The following ATP13A4 variants were observed in gnomAD, a reference collection of about 807,000 sequenced individuals.
The protein encoded by ATP13A4 is ATPase 13A4.
ATP13A4 carries 114 observed loss-of-function variants against 142.5 expected under a neutral mutation model. The observed-to-expected ratio is 0.80, with a 90% CI of 0.69 to 0.93. The LOEUF is 0.93. Ranked by LOEUF, ATP13A4 falls within the 40% of genes least tolerant of loss-of-function variation. The probability of loss-of-function intolerance (pLI) is 0.00; values close to 1 mark genes in which losing one functional copy is unlikely to be tolerated. For synonymous variants in ATP13A4, 488 were observed against 514.8 expected, an observed-to-expected ratio of 0.95 and a Z score of 0.70; for missense variants, 1,392 against 1,454.0, an observed-to-expected ratio of 0.96 and a Z score of 0.69.
chr3:193,567,124 C>G (rs1266162290), intron 2 of ATP13A4, among the ~76,000 whole-genome samples: 2 of 151,968 alleles, frequency 1.3e-5, no homozygotes, highest in African/African-American at 4.8e-5. Context: ...GAATATTATG[C>G]AACCATTAAA....
chr3:193,410,942 T>C (rs1714734382), intron 28 of ATP13A4, 40 bp downstream of exon 28: 1 of 1,265,898 alleles, frequency 7.9e-7, no homozygotes, highest in Non-Finnish European at 1.2e-6. Flanking sequence ...AACTGTTACA[T>C]AACTGTAAAG....
chr3:193,457,430 C>G lies in ATP13A4; in HGVS notation c.1710G>C (p.Lys570Asn). 6.2e-7 allele frequency: 1 copy of G among 1,614,206 alleles called. No individual in the cohort carries two copies. Among genetic ancestry groups the G allele is most frequent in the Non-Finnish European group, 8.5e-7 (1 of 1,180,040 alleles). The change falls in exon 15 of 30, where the codon AAG becomes AAC. Residue 570 changes from lysine to asparagine, a missense_variant. Coordinates refer to ENST00000342695, the MANE Select transcript of ATP13A4 (RefSeq NM_032279.4). ...MAFSGDDFHI[K>N]GVPAHAMVVK... ...CTACCATGGCATGTGCCGGCACTCC[C>G]TTGATGTGGAAATCGTCCCCAGAAA...
At chr3:193,467,200 T>TA (rs952395716) in intron 10 of ATP13A4, 116 bp downstream of exon 10, 8 of 1,111,824 alleles carry the variant, frequency 7.2e-6, no homozygotes, top group East Asian at 2.6e-5. Flanking sequence ...AATTAAAAAT[T>TA]AAAAAAATAT....
Position 193,514,736 on chromosome 3 carries a change from A to T in ATP13A4, c.196T>A (p.Ser66Thr). The stretch of plus-strand genomic sequence containing the variant: ...AACACAGTGTCTGCTTCTTGCAAGG[A>T]ACATGGGACACAATGTGCCCATACG... ...WHVWAHCVPC[S>T]LQEADTVLLR... is the part of the protein sequence containing the mutation. The change falls in exon 2 of 30, where the codon TCC becomes ACC. Residue 66 changes from serine (S) to threonine (T), a missense_variant. Coordinates refer to ENST00000342695, the MANE Select transcript of ATP13A4 (RefSeq NM_032279.4). 6.2e-7 allele frequency: 1 copy of T among 1,614,230 alleles called. No homozygotes were observed. Among genetic ancestry groups the T allele is most frequent in the Non-Finnish European group, 8.5e-7 (1 of 1,180,032 alleles).
chr3:193,431,598 T>C (rs541806267), intron 25 of ATP13A4, among the ~76,000 whole-genome samples: 115 of 148,658 alleles, frequency 7.7e-4, no homozygotes, highest in Non-Finnish European at 1.3e-3. Flanking sequence ...TGTTTCTATA[T>C]ATGCATGTGT....
chr3:193,471,885 G>A (rs1718649469), intron 8 of ATP13A4, among the ~76,000 whole-genome samples: 1 of 152,154 alleles, frequency 6.6e-6, no homozygotes, highest in Non-Finnish European at 1.5e-5. Context: ...TGGGTGGGGT[G>A]GCAGGCTGCT....
intron 3 of ATP13A4, 121 bp downstream of exon 3, chr3:193,502,372 C>T: frequency 8.0e-7 from 1 of 1,248,044 alleles, no homozygotes. Flanking sequence ...CCAAAGTTCA[C>T]ATTTTAAATA....
At chr3:193,410,887 T>C in intron 28 of ATP13A4, 95 bp downstream of exon 28, 1 of 838,248 alleles carries the variant, frequency 1.2e-6, no homozygotes. Flanking sequence ...ATAATTTGTG[T>C]CAAAAATCAT....
chr3:193,484,924 A>C (rs1239661545), intron 7 of ATP13A4, among the ~76,000 whole-genome samples: 2 of 152,192 alleles, frequency 1.3e-5, no homozygotes, highest in Non-Finnish European at 2.9e-5. Flanking sequence ...TAGCAAAGGG[A>C]ATCAATCAGG....
chr3:193,590,838 T>C (rs569347036), intron 1 of ATP13A4, among the ~76,000 whole-genome samples: 2 of 152,308 alleles, frequency 1.3e-5, no homozygotes, highest in South Asian at 2.1e-4. Flanking sequence ...ACAAGCTTCA[T>C]GATAAACAGT....
intron 7 of ATP13A4, among the ~76,000 whole-genome samples, chr3:193,485,997 T>C (rs1319356322): frequency 3.3e-5 from 5 of 151,136 alleles, no homozygotes; most frequent in Non-Finnish European, 7.4e-5. Context: ...TGTAAAATAA[T>C]GCCATTCTCC....
At chr3:193,567,030 T>C (rs1724149663) in intron 2 of ATP13A4, among the ~76,000 whole-genome samples, 1 of 144,110 alleles carries the variant, frequency 6.9e-6, no homozygotes, top group Non-Finnish European at 1.5e-5. Flanking sequence ...TTTAGAATTC[T>C]CTTGTGAATC....
intron 8 of ATP13A4, among the ~76,000 whole-genome samples, chr3:193,473,127 G>C (rs1576999581): frequency 6.6e-6 from 1 of 152,312 alleles, no homozygotes; most frequent in Middle Eastern, 3.4e-3. Flanking sequence ...GCCAAGAAAA[G>C]TATAATATAA....
intron 2 of ATP13A4, among the ~76,000 whole-genome samples, chr3:193,513,652 C>T (rs141308085): frequency 1.1e-3 from 166 of 152,326 alleles, no homozygotes; most frequent in African/African-American, 3.8e-3. Flanking sequence ...GCCATGAGTG[C>T]TGCAAGGAAT....
intron 1 of ATP13A4, among the ~76,000 whole-genome samples, chr3:193,552,539 G>A (rs1723641287): frequency 2.0e-5 from 3 of 152,154 alleles, no homozygotes; most frequent in African/African-American, 7.2e-5. Flanking sequence ...GAATTATCTA[G>A]AAGAAAAAAG....
At chr3:193,416,019 C>G (rs1445703568) in intron 25 of ATP13A4, among the ~76,000 whole-genome samples, 5 of 152,166 alleles carry the variant, frequency 3.3e-5, no homozygotes, top group African/African-American at 1.2e-4. Flanking sequence ...AGTACTCCAG[C>G]ACAGAAATAA....
At chr3:193,484,123 G>A (rs920187752) in intron 7 of ATP13A4, 118 bp from the exon 8 acceptor site, 11 of 865,686 alleles carry the variant, frequency 1.3e-5, no homozygotes, top group Non-Finnish European at 1.9e-5. Context: ...TGAATGGAAT[G>A]TACTGGCTAA....
chr3:193,443,057 G>T (rs1423027325), intron 18 of ATP13A4, among the ~76,000 whole-genome samples: 3 of 152,166 alleles, frequency 2.0e-5, no homozygotes, highest in African/African-American at 7.2e-5. Context: ...AACCTACAAG[G>T]GGATGAGTTT....
intron 1 of ATP13A4, among the ~76,000 whole-genome samples, chr3:193,540,129 T>A (rs1722806091): frequency 6.6e-6 from 1 of 151,896 alleles, no homozygotes; most frequent in African/African-American, 2.4e-5. Flanking sequence ...CCTCATAGGG[T>A]AGGAACAGCA....
Sources: allele counts gnomAD v4.1 joint callset (sites outside exome capture counted in the v4.1 genomes callset), GRCh38; gene constraint gnomAD v4.1.1; transcripts MANE v1.5; gene names NCBI Gene and HGNC (gene_info 2026-07-23, HGNC 2026-07-21).